The following BRINP3 variants were observed in gnomAD, a reference collection of about 807,000 sequenced individuals.
BRINP3 encodes BMP/retinoic acid-inducible neural-specific protein 3.
BRINP3 carries 19 observed loss-of-function variants against 71.0 expected under a neutral mutation model. The ratio of observed to expected loss-of-function variants is 0.27; its 90% confidence interval spans 0.19 to 0.39. BRINP3 has a LOEUF of 0.39. BRINP3 is among the 10% of genes least tolerant of loss of function. BRINP3 has a pLI of 1.00. For missense variants in BRINP3, 959 were observed against 940.8 expected (o/e 1.02, Z -0.25); for synonymous variants, 380 against 337.7 (o/e 1.13, Z -1.37).
chr1:190,193,712 G>T (rs1434382667), intron 6 of BRINP3, among the ~76,000 whole-genome samples: 1 of 152,012 alleles, frequency 6.6e-6, no homozygotes, highest in Non-Finnish European at 1.5e-5. Flanking sequence ...CTTTACTTTA[G>T]AAAACTTTCA....
chr1:190,332,363 T>C (rs1487372065), intron 2 of BRINP3, among the ~76,000 whole-genome samples: 1 of 152,086 alleles, frequency 6.6e-6, no homozygotes, highest in African/African-American at 2.4e-5. Flanking sequence ...CATATTTGGC[T>C]GAACTGGTAT....
chr1:190,421,553 C>T (rs192415741), intron 2 of BRINP3, among the ~76,000 whole-genome samples: 1 of 151,134 alleles, frequency 6.6e-6, no homozygotes, highest in Admixed American at 6.6e-5. Context: ...TAATTGATTC[C>T]CTATGTTATG....
chr1:190,331,954 A>C (rs1473335672), intron 2 of BRINP3, among the ~76,000 whole-genome samples: 1 of 151,986 alleles, frequency 6.6e-6, no homozygotes, highest in African/African-American at 2.4e-5. Context: ...TATTTTCTTA[A>C]TATGGTTGTT....
intron 6 of BRINP3, among the ~76,000 whole-genome samples, chr1:190,172,983 T>G (rs1450865902): frequency 1.3e-5 from 2 of 152,170 alleles, no homozygotes; most frequent in African/African-American, 2.4e-5. Flanking sequence ...TGAGATTAAG[T>G]GGATTAAGAA....
chr1:190,116,547 G>GCTCT (rs369968035), intron 7 of BRINP3, among the ~76,000 whole-genome samples: 91 of 152,072 alleles, frequency 6.0e-4, no homozygotes, highest in African/African-American at 2.1e-3. Context: ...TATGTAACTG[G>GCTCT]CTCTCCACCC....
intron 2 of BRINP3, among the ~76,000 whole-genome samples, chr1:190,297,049 G>C (rs1571667068): frequency 6.6e-6 from 1 of 151,784 alleles, no homozygotes. Flanking sequence ...AAGTAGAAAA[G>C]AGAATCCTAA....
intron 6 of BRINP3, among the ~76,000 whole-genome samples, chr1:190,216,111 T>A (rs1480460758): frequency 6.6e-6 from 1 of 151,636 alleles, no homozygotes; most frequent in Non-Finnish European, 1.5e-5. Flanking sequence ...TTCTGGCAAT[T>A]TTGGTAATTA....
In BRINP3 at chr1:190,154,817, C is replaced by T. The variant is rs116411134; in HGVS notation, c.1184+5851G>A. ...TTTTAGTTGCAGGCTGAGGTAGCCACGTTTTTCATGGAAAACCATTTTTAC... is the reference window on the plus strand; with the variant it reads ...TTTTAGTTGCAGGCTGAGGTAGCCATGTTTTTCATGGAAAACCATTTTTAC... On this transcript the variant is annotated intron_variant, in intron 7 of 7. Transcript: ENST00000367462. Among the ~76,000 whole-genome samples, 276 of 152,150 alleles carry T rather than the reference C, an allele frequency of 1.8e-3. 3 individuals carry two copies. The highest frequency in any genetic ancestry group is 6.2e-3 in the African/African-American group (256 of 41,514).
intron 4 of BRINP3, among the ~76,000 whole-genome samples, chr1:190,251,917 GT>G (rs1057044460): frequency 1.3e-5 from 2 of 150,664 alleles, no homozygotes; most frequent in Non-Finnish European, 2.9e-5. Flanking sequence ...AACTAATCCA[GT>G]TTTTCTTTTT....
intron 2 of BRINP3, among the ~76,000 whole-genome samples, chr1:190,352,149 A>T (rs1396871671): frequency 2.0e-5 from 3 of 152,026 alleles, no homozygotes; most frequent in African/African-American, 7.2e-5. Flanking sequence ...GTGTAGAAAA[A>T]ATATATATGT....
intron 7 of BRINP3, among the ~76,000 whole-genome samples, chr1:190,107,665 TATG>T (rs1652295762): frequency 6.6e-6 from 1 of 151,954 alleles, no homozygotes; most frequent in Non-Finnish European, 1.5e-5. Flanking sequence ...CTAATTGGAG[TATG>T]ATCTCCTAAG....
chr1:190,106,527 C>A (rs1652181991), intron 7 of BRINP3, among the ~76,000 whole-genome samples: 1 of 151,156 alleles, frequency 6.6e-6, no homozygotes, highest in Non-Finnish European at 1.5e-5. Flanking sequence ...TCGTCTGTGA[C>A]CCTAATATTT....
At chr1:190,306,129 A>G (rs1571696981) in intron 2 of BRINP3, among the ~76,000 whole-genome samples, 1 of 151,912 alleles carries the variant, frequency 6.6e-6, no homozygotes, top group Admixed American at 6.6e-5. Context: ...TAATGCATCT[A>G]TAAATACAAT....
In BRINP3 at chr1:190,444,543, A is replaced by T. The variant is rs571341691; in HGVS notation, c.236+10112T>A. ...TTTATTTTTATTTATTTTTTTATTTATTTATTTTTTGAGACAGAGTCTTGC... is the reference window on the plus strand; with the variant it reads ...TTTATTTTTATTTATTTTTTTATTTTTTTATTTTTTGAGACAGAGTCTTGC... On this transcript the variant is annotated intron_variant, in intron 2 of 7. Coordinates refer to ENST00000367462, the MANE Select transcript of BRINP3 (RefSeq NM_199051.3). Among the ~76,000 whole-genome samples, 318 of 151,518 alleles carry T rather than the reference A, an allele frequency of 2.1e-3. 1 individual carries two copies. Among genetic ancestry groups the T allele is most frequent in the Non-Finnish European group, 3.8e-3 (257 of 67,840 alleles).
At chr1:190,262,466 C>A (rs1661268896) in intron 4 of BRINP3, among the ~76,000 whole-genome samples, 1 of 151,964 alleles carries the variant, frequency 6.6e-6, no homozygotes, top group Non-Finnish European at 1.5e-5. Flanking sequence ...TTCCTTTTTT[C>A]CTTAGTTACA....
chr1:190,292,529 T>C (rs1012259654), intron 2 of BRINP3, among the ~76,000 whole-genome samples: 1 of 152,052 alleles, frequency 6.6e-6, no homozygotes, highest in African/African-American at 2.4e-5. Context: ...TTGCCTGTAG[T>C]CCTATCTACT....
chr1:190,412,925 G>A (rs999589835), intron 2 of BRINP3, among the ~76,000 whole-genome samples: 1 of 151,984 alleles, frequency 6.6e-6, no homozygotes, highest in Non-Finnish European at 1.5e-5. Flanking sequence ...GAGAGAGAAA[G>A]AAAATAGGAA....
At chr1:190,452,986 G>A (rs532506239) in intron 2 of BRINP3, among the ~76,000 whole-genome samples, 4 of 152,154 alleles carry the variant, frequency 2.6e-5, no homozygotes, top group East Asian at 1.9e-4. Context: ...GATAAATCAC[G>A]GAGACATGCT....
intron 7 of BRINP3, among the ~76,000 whole-genome samples, chr1:190,158,652 G>A (rs1657077562): frequency 6.6e-6 from 1 of 151,548 alleles, no homozygotes; most frequent in Non-Finnish European, 1.5e-5. Flanking sequence ...TTCCCAAAAG[G>A]TGAAAATTCT....
Sources: gnomAD v4.1 joint callset for allele counts (sites outside exome capture counted in the v4.1 genomes callset) on GRCh38, gnomAD v4.1.1 for gene constraint, MANE v1.5 for transcripts, NCBI Gene and HGNC (gene_info 2026-07-23, HGNC 2026-07-21) for gene names.